ATXN2: variants seen among roughly 807,000 people sequenced by gnomAD.
ATXN2 encodes the protein ataxin-2.
In ATXN2, 37 loss-of-function variants were observed where a neutral mutation model predicts 138.6. That is an observed-to-expected ratio of 0.27 (90% CI 0.21 to 0.35). The LOEUF is 0.35. Among genes scored for constraint, ATXN2 ranks in the 10% least tolerant of loss-of-function variants. The pLI is 1.00. For missense variants in ATXN2, 1,216 were observed against 1,480.3 expected, an observed-to-expected ratio of 0.82 and a Z score of 2.93; for synonymous variants, 549 against 543.7, an observed-to-expected ratio of 1.01 and a Z score of -0.13.
intron 1 of ATXN2, among the ~76,000 whole-genome samples, chr12:111,562,636 C>A (rs1444717927): frequency 6.8e-6 from 1 of 147,862 alleles, no homozygotes; most frequent in Admixed American, 7.0e-5. Context: ...AGGAGAACTG[C>A]TTGAACCCGG....
intron 18 of ATXN2, among the ~76,000 whole-genome samples, chr12:111,483,420 A>C (rs1488561011): frequency 1.4e-5 from 2 of 137,954 alleles, no homozygotes; most frequent in Non-Finnish European, 3.1e-5. Flanking sequence ...CAAAAAAAAA[A>C]CCCTTTAGCA....
intron 14 of ATXN2, among the ~76,000 whole-genome samples, chr12:111,496,247 AGAG>A (rs1407274593): frequency 6.6e-6 from 1 of 151,804 alleles, no homozygotes; most frequent in Non-Finnish European, 1.5e-5. Flanking sequence ...AGATAACACT[AGAG>A]GCCGGGCACG....
intron 6 of ATXN2, among the ~76,000 whole-genome samples, chr12:111,521,859 C>T (rs892873573): frequency 4.6e-5 from 7 of 152,086 alleles, no homozygotes; most frequent in African/African-American, 1.2e-4. Context: ...CATTCTTTAA[C>T]GTAAAAGAAT....
chr12:111,598,066 G>GGAA lies in ATXN2; in HGVS notation c.251+717_251+718insTTC. 2 of 1,150,748 alleles carry GGAA rather than the reference G, an allele frequency of 1.7e-6. No homozygotes were observed. The highest frequency in any genetic ancestry group is 1.8e-5 in the South Asian group (1 of 56,580). 71.3% of individuals were successfully genotyped at this position (1,150,748 alleles called of 1,614,324 possible). ...CCCTTCCCTTCCCCAGGTGGGGGAGGGTGGAACGCTGCCGGAGGCCACATG... is the reference window on the plus strand; with the variant it reads ...CCCTTCCCTTCCCCAGGTGGGGGAGGGAAGTGGAACGCTGCCGGAGGCCACATG... On this transcript the variant is annotated intron_variant, in intron 1 of 24. Transcript: ENST00000673436. The surrounding 1 kb of genome is among the most constrained non-coding windows in gnomAD (Gnocchi z 4.5).
chr12:111,518,476 C>A, intron 8 of ATXN2, 49 bp from the exon 9 acceptor site: 2 of 1,524,628 alleles, frequency 1.3e-6, no homozygotes, highest in Non-Finnish European at 1.8e-6. Context: ...AGGTACCAAG[C>A]CAATGAAACA....
At chr12:111,454,972 C>T (rs566207739) in intron 23 of ATXN2, 15 of 697,380 alleles carry the variant, frequency 2.2e-5, no homozygotes, top group South Asian at 8.9e-5. Context: ...AACTGCAGTG[C>T]GCTACACCAC....
intron 2 of ATXN2, among the ~76,000 whole-genome samples, chr12:111,554,892 C>G (rs1333477180): frequency 6.6e-6 from 1 of 152,202 alleles, no homozygotes; most frequent in Admixed American, 6.5e-5. Flanking sequence ...TGACTAGGTT[C>G]TCCCAGCATA....
In ATXN2 at chr12:111,480,860, G is replaced by A. The variant is rs142236693; in HGVS notation, c.2524+4405C>T. 9.2e-5 allele frequency among the ~76,000 whole-genome samples: 14 copies of A among 152,174 alleles called. No homozygotes were observed. The East Asian group carries it at 1.5e-3, about 17-fold the overall frequency. ...TAAAAATCATAGGAGTTTTATAGGC[G>A]TTTCATAGGAGTAAATCTCTGTGGC... On this transcript the variant is annotated intron_variant, in intron 18 of 24. Transcript: ENST00000673436.
In ATXN2 at chr12:111,539,754, T is replaced by C. The variant is rs1445566058; in HGVS notation, c.571+12526A>G. ...ACAGAGCAAGACTCTGTCTCAAAAATAAAAAATAAAAATAAAAAAAGAAAA... is the reference window on the plus strand; with the variant it reads ...ACAGAGCAAGACTCTGTCTCAAAAACAAAAAATAAAAATAAAAAAAGAAAA... On this transcript the variant is annotated intron_variant, in intron 5 of 24. Coordinates refer to ENST00000673436, the MANE Select transcript of ATXN2 (RefSeq NM_001372574.1). 2.7e-5 allele frequency among the ~76,000 whole-genome samples: 4 copies of C among 146,326 alleles called. 1 individual carries two copies. The highest frequency in any genetic ancestry group is 7.5e-5 in the African/African-American group (3 of 40,032).
rs1448451816 is a variant in ATXN2 at position 111,455,819 on chromosome 12, AGG to A, written c.3270+208_3270+209del. The A allele has an allele frequency of 6.4e-6, 4 of 621,770 alleles. No individual in the cohort carries two copies. The East Asian group carries it at 1.1e-4, about 17-fold the overall frequency. 38.5% of individuals were successfully genotyped at this position (621,770 alleles called of 1,614,324 possible). A position where few individuals can be genotyped will look rare whatever the true frequency, so the allele number is the denominator to read the frequency against. ...TTTAAGGTCTCAGTTGGAAAACTAA[AGG>A]ACTGACCAATCAGCACCTTCACTGA... is the stretch of plus-strand genomic sequence containing the variant. On this transcript the variant is annotated intron_variant, in intron 23 of 24. Transcript: ENST00000673436.
intron 5 of ATXN2, among the ~76,000 whole-genome samples, chr12:111,532,913 C>G (rs1196232726): frequency 2.0e-5 from 3 of 151,516 alleles, no homozygotes. Flanking sequence ...AGCTGGAAAC[C>G]CTACATTCCT....
chr12:111,598,410 G>C lies in ATXN2; in HGVS notation c.251+374C>G, dbSNP rs1885047970. ...GTTCACACCTAAACCGGGAGTGGAG[G>C]AGCTGCCCGAGCATCCCCACGCTGC... On this transcript the variant is annotated intron_variant, in intron 1 of 24. Coordinates refer to ENST00000673436, the MANE Select transcript of ATXN2 (RefSeq NM_001372574.1). The surrounding 1 kb of genome is among the most constrained non-coding windows in gnomAD (Gnocchi z 4.5). 2.0e-6 allele frequency: 2 copies of C among 985,658 alleles called. No individual in the cohort carries two copies. Among genetic ancestry groups the C allele is most frequent in the Non-Finnish European group, 2.4e-6 (2 of 830,174 alleles). 61.1% of individuals were successfully genotyped at this position (985,658 alleles called of 1,614,324 possible).
chr12:111,457,615 C>G lies in ATXN2; in HGVS notation c.2897-256G>C, dbSNP rs566565286. Reference sequence around the variant, plus strand: ...AAAATCAAATTAGTTTGCATTTACTCTTAACGGTCACTAGGTTTTCCCAAA... The same window carrying G: ...AAAATCAAATTAGTTTGCATTTACTGTTAACGGTCACTAGGTTTTCCCAAA... On this transcript the variant is annotated intron_variant, in intron 21 of 24. Coordinates refer to ENST00000673436, the MANE Select transcript of ATXN2 (RefSeq NM_001372574.1). The G allele has an allele frequency of 1.1e-3, 349 of 323,222 alleles. 2 individuals are homozygous for G. The highest frequency in any genetic ancestry group is 6.0e-4 in the Non-Finnish European group (109 of 180,618). The allele number at this position is 323,222 out of a possible 1,614,324, so 20.0% of individuals were successfully genotyped here.
intron 5 of ATXN2, among the ~76,000 whole-genome samples, chr12:111,544,473 CTT>C (rs1881699431): frequency 6.6e-6 from 1 of 152,168 alleles, no homozygotes; most frequent in Non-Finnish European, 1.5e-5. Flanking sequence ...GTATCACTGT[CTT>C]TACTTGGAGC....
intron 1 of ATXN2, among the ~76,000 whole-genome samples, chr12:111,569,503 T>TC (rs1883197474): frequency 1.3e-5 from 2 of 151,732 alleles, no homozygotes; most frequent in South Asian, 4.2e-4. Context: ...CCAAGGTGAG[T>TC]CCAGGAATTT....
intron 5 of ATXN2, among the ~76,000 whole-genome samples, chr12:111,549,711 T>C (rs1013960906): frequency 1.3e-5 from 2 of 152,136 alleles, no homozygotes; most frequent in East Asian, 3.9e-4. Flanking sequence ...TAATACTATT[T>C]TCAGGATACT....
intron 17 of ATXN2, 61 bp downstream of exon 17, chr12:111,485,652 T>C: frequency 6.3e-7 from 1 of 1,581,032 alleles, no homozygotes; most frequent in Non-Finnish European, 8.7e-7. Context: ...ACCTAAAGAG[T>C]GCTTGGTGTC....
At chr12:111,455,957 C>A in intron 23 of ATXN2, 72 bp downstream of exon 23, 1 of 1,420,698 alleles carries the variant, frequency 7.0e-7, no homozygotes. Flanking sequence ...GCTGGGAGAG[C>A]CTCTAGCTGC....
chr12:111,481,396 G>A (rs1191619890), intron 18 of ATXN2, among the ~76,000 whole-genome samples: 2 of 152,128 alleles, frequency 1.3e-5, no homozygotes, highest in Admixed American at 1.3e-4. Context: ...AGTGAGCCGA[G>A]ATTGTGCCAC....
Sources: allele counts gnomAD v4.1 joint callset (sites outside exome capture counted in the v4.1 genomes callset), GRCh38; gene constraint gnomAD v4.1.1; non-coding constraint Gnocchi (gnomAD v3.1); transcripts MANE v1.5; gene names NCBI Gene and HGNC (gene_info 2026-07-23, HGNC 2026-07-21).